ANKFN1: variants seen among roughly 807,000 people sequenced by gnomAD.
ANKFN1 encodes ankyrin repeat and fibronectin type-III domain-containing protein 1.
Under a neutral mutation model 108.7 loss-of-function variants are expected in ANKFN1, and 74 were observed. That is an observed-to-expected ratio of 0.68 (90% CI 0.56 to 0.83). The LOEUF (loss-of-function observed/expected upper bound fraction) is 0.83. Among genes scored for constraint, ANKFN1 ranks in the 40% least tolerant of loss-of-function variants. The pLI is 0.00. For synonymous variants in ANKFN1, 547 were observed against 516.2 expected, an observed-to-expected ratio of 1.06 and a Z score of -0.81; for missense variants, 1,505 against 1,382.3, an observed-to-expected ratio of 1.09 and a Z score of -1.41.
intron 11 of ANKFN1, 111 bp downstream of exon 11, chr17:56,449,297 T>C: frequency 5.7e-6 from 4 of 703,482 alleles, no homozygotes; most frequent in Non-Finnish European, 9.2e-6. Context: ...AGAGAGATAT[T>C]AATATTTGTA....
chr17:56,128,159 C>T (rs1035196899), intron 4 of ANKFN1, among the ~76,000 whole-genome samples: 2 of 151,896 alleles, frequency 1.3e-5, no homozygotes, highest in Admixed American at 6.6e-5. Context: ...AAAGAGAGCT[C>T]TTGCTCAGAA....
chr17:56,484,501 C>T (rs1198706812), intron 18 of ANKFN1, among the ~76,000 whole-genome samples: 1 of 152,110 alleles, frequency 6.6e-6, no homozygotes, highest in East Asian at 1.9e-4. Flanking sequence ...GCTATTGCTC[C>T]CTTTATCAGA....
chr17:56,112,366 G>T (rs1017205076), intron 4 of ANKFN1, among the ~76,000 whole-genome samples: 1 of 151,960 alleles, frequency 6.6e-6, no homozygotes, highest in African/African-American at 2.4e-5. Context: ...ATCTAGTCGG[G>T]TTACAACTAA....
intron 8 of ANKFN1, among the ~76,000 whole-genome samples, chr17:56,407,007 G>A (rs907466909): frequency 3.9e-5 from 6 of 152,006 alleles, no homozygotes; most frequent in African/African-American, 9.7e-5. Context: ...CTGGCATGGG[G>A]CCAGGTATAA....
chr17:56,202,970 G>T (rs1377636887), intron 1 of ANKFN1, among the ~76,000 whole-genome samples: 1 of 152,148 alleles, frequency 6.6e-6, no homozygotes, highest in African/African-American at 2.4e-5. Context: ...TTTGGGGTCA[G>T]GGAATTTTGA....
Position 56,248,894 on chromosome 17 carries a change from C to A in ANKFN1, c.53+20937C>A, listed in dbSNP as rs529266368. Among the ~76,000 whole-genome samples the A allele has an allele frequency of 3.9e-5, 6 of 152,128 alleles. No homozygotes were observed. The East Asian group carries it at 1.2e-3, about 29-fold the overall frequency. ...AAGTGAGTGACAAAAGGGAAGACAG[C>A]CAAAAAGGTCCATTATCCAACAAAT... On this transcript the variant is annotated intron_variant, in intron 3 of 20. Coordinates refer to ENST00000682825, the MANE Select transcript of ANKFN1 (RefSeq NM_001370326.1).
At chr17:56,229,645 G>A (rs1190289474) in intron 3 of ANKFN1, among the ~76,000 whole-genome samples, 5 of 104,582 alleles carry the variant, frequency 4.8e-5, no homozygotes, top group East Asian at 3.2e-4. Flanking sequence ...GAAAGCACCC[G>A]TTACCTTTCA....
chr17:56,106,467 C>A (rs1294552301), intron 4 of ANKFN1, among the ~76,000 whole-genome samples: 2 of 152,210 alleles, frequency 1.3e-5, no homozygotes, highest in Non-Finnish European at 2.9e-5. Context: ...ACTGACTGAG[C>A]TACAAAATCC....
chr17:56,283,306 A>G (rs74680009), intron 3 of ANKFN1, among the ~76,000 whole-genome samples: 1 of 152,088 alleles, frequency 6.6e-6, no homozygotes, highest in Non-Finnish European at 1.5e-5. Flanking sequence ...TACTACAACC[A>G]CTGTGGAAAA....
chr17:56,432,637 C>G (rs2048797086), intron 8 of ANKFN1, among the ~76,000 whole-genome samples: 1 of 152,168 alleles, frequency 6.6e-6, no homozygotes, highest in Admixed American at 6.5e-5. Flanking sequence ...CTGGGCCAGC[C>G]CTGGCTTAGA....
intron 11 of ANKFN1, among the ~76,000 whole-genome samples, chr17:56,456,401 C>CTTTTTTTTTTT (rs397713657): frequency 3.3e-4 from 38 of 115,468 alleles, no homozygotes; most frequent in East Asian, 7.7e-4. Flanking sequence ...CTTTTTTTCT[C>CTTTTTTTTTTT]TTTTTTTTTT....
intron 4 of ANKFN1, among the ~76,000 whole-genome samples, chr17:56,105,560 CCT>C (rs373192912): frequency 6.6e-6 from 1 of 151,666 alleles, no homozygotes; most frequent in Admixed American, 6.6e-5. Flanking sequence ...GACTTCCTTT[CCT>C]CTCTCTATTT....
intron 2 of ANKFN1, among the ~76,000 whole-genome samples, chr17:56,227,342 A>G (rs529544015): frequency 1.3e-5 from 2 of 152,222 alleles, no homozygotes; most frequent in Admixed American, 1.3e-4. Flanking sequence ...CCTTTTACCA[A>G]CATCTTGAAT....
intron 3 of ANKFN1, among the ~76,000 whole-genome samples, chr17:56,246,306 G>A (rs1042936393): frequency 1.3e-5 from 2 of 152,076 alleles, no homozygotes; most frequent in East Asian, 1.9e-4. Flanking sequence ...GGGTTGAACC[G>A]AGAACTTTTA....
rs762632692 is a variant in ANKFN1 at position 56,264,820 on chromosome 17, C to T, written c.53+36863C>T. Among the ~76,000 whole-genome samples, 5 of 152,096 alleles carry T rather than the reference C, an allele frequency of 3.3e-5. No homozygotes were observed. The East Asian group carries it at 9.6e-4, about 29-fold the overall frequency. On this transcript the variant is annotated intron_variant, in intron 3 of 20. Coordinates refer to ENST00000682825, the MANE Select transcript of ANKFN1 (RefSeq NM_001370326.1). ...GACCTCAAAATTCCTTTCCATGATT[C>T]GTAGTCCATCTTATTTGGGACCCAG...
chr17:56,092,440 A>G (rs1905437143), intron 4 of ANKFN1, among the ~76,000 whole-genome samples: 1 of 150,184 alleles, frequency 6.7e-6, no homozygotes, highest in Non-Finnish European at 1.5e-5. Flanking sequence ...ACGCCCAGCT[A>G]ATTTTTTGTA....
intron 4 of ANKFN1, among the ~76,000 whole-genome samples, chr17:56,088,251 T>A (rs1206559590): frequency 6.6e-6 from 1 of 151,402 alleles, no homozygotes; most frequent in African/African-American, 2.4e-5. Flanking sequence ...ATTCCCTGGC[T>A]GCAAGATACA....
chr17:56,150,612 T>C (rs1908542599), upstream of ANKFN1, among the ~76,000 whole-genome samples: 1 of 152,198 alleles, frequency 6.6e-6, no homozygotes, highest in Non-Finnish European at 1.5e-5. Flanking sequence ...TTCTAATTCC[T>C]TTCCCTTTCC....
intron 5 of ANKFN1, among the ~76,000 whole-genome samples, chr17:56,352,337 G>A (rs2046269529): frequency 6.6e-6 from 1 of 152,160 alleles, no homozygotes; most frequent in Admixed American, 6.5e-5. Context: ...CTTTGATAGG[G>A]AGAATTGATT....
Sources: allele counts gnomAD v4.1 joint callset (sites outside exome capture counted in the v4.1 genomes callset), GRCh38; gene constraint gnomAD v4.1.1; transcripts MANE v1.5; gene names NCBI Gene and HGNC (gene_info 2026-07-23, HGNC 2026-07-21).